The following NOL4L variants were observed in gnomAD, a reference collection of about 807,000 sequenced individuals.
The protein encoded by NOL4L is nucleolar protein 4-like.
A neutral mutation model predicts 64.5 loss-of-function variants in NOL4L; 7 were observed. The ratio of observed to expected loss-of-function variants is 0.11; its 90% CI spans 0.06 to 0.20. The LOEUF (loss-of-function observed/expected upper bound fraction) is 0.20, where lower values mean the gene tolerates loss of function less well. NOL4L is among the 10% of genes least tolerant of loss of function. The pLI, the probability that NOL4L is intolerant of heterozygous loss-of-function variation, is 1.00. For missense variants in NOL4L, 680 were observed against 967.1 expected, an observed-to-expected ratio of 0.70 and a Z score of 3.94; for synonymous variants, 413 against 401.0, an observed-to-expected ratio of 1.03 and a Z score of -0.36.
At chr20:32,481,263 G>A (rs747700653) in intron 4 of NOL4L, among the ~76,000 whole-genome samples, 2 of 152,152 alleles carry the variant, frequency 1.3e-5, no homozygotes, top group Admixed American at 6.5e-5. Context: ...CTCACCACGA[G>A]GGCCTCGCTG....
intron 4 of NOL4L, among the ~76,000 whole-genome samples, chr20:32,477,813 C>A (rs1388740835): frequency 6.6e-6 from 1 of 152,230 alleles, no homozygotes; most frequent in Non-Finnish European, 1.5e-5. Context: ...ACCCAAATGC[C>A]CCCTCCAACC....
chr20:32,523,071 C>T (rs1264709341), intron 2 of NOL4L, among the ~76,000 whole-genome samples: 3 of 152,192 alleles, frequency 2.0e-5, no homozygotes, highest in Non-Finnish European at 4.4e-5. Context: ...AGGAATGGCT[C>T]CCTCTCCAGG....
intron 3 of NOL4L, among the ~76,000 whole-genome samples, chr20:32,513,920 A>G (rs984933696): frequency 3.3e-5 from 5 of 152,226 alleles, no homozygotes; most frequent in African/African-American, 1.2e-4. Flanking sequence ...CCATAATTTA[A>G]AAAGGAAAAA....
intron 1 of NOL4L, chr20:32,532,459 C>T (rs1019061126): frequency 6.9e-6 from 5 of 723,748 alleles, no homozygotes; most frequent in African/African-American, 5.8e-5. Flanking sequence ...AGTCACGTGC[C>T]GCAGACATCT....
intron 6 of NOL4L, among the ~76,000 whole-genome samples, chr20:32,454,513 C>G (rs2013279522): frequency 6.6e-6 from 1 of 152,362 alleles, no homozygotes; most frequent in South Asian, 2.1e-4. Flanking sequence ...GGCCAAGCCC[C>G]TCAACCATCT....
intron 2 of NOL4L, among the ~76,000 whole-genome samples, chr20:32,526,347 C>G (rs767178652): frequency 3.4e-4 from 52 of 152,122 alleles, no homozygotes; most frequent in Non-Finnish European, 6.8e-4. Context: ...GCACACAGAC[C>G]GAGAAGCAGG....
chr20:32,563,301 G>A lies in NOL4L; in HGVS notation c.321+21269C>T, dbSNP rs371594151. 9.5e-5 allele frequency among the ~76,000 whole-genome samples: 13 copies of A among 136,136 alleles called. No homozygotes were observed. The East Asian group carries it at 2.7e-3, about 28-fold the overall frequency. 89.3% of individuals were successfully genotyped at this position (136,136 alleles called of 152,430 possible). A position where few individuals can be genotyped will look rare whatever the true frequency, so the allele number is the denominator to read the frequency against. On this transcript the variant is annotated intron_variant, in intron 1 of 10. Transcript: ENST00000621426. Reference sequence around the variant, plus strand: ...CTCGGGAGGGAGAGTGGGGAGGGAGGGTAGAGAACAGGGAGGGTGAAGGGG... The same window carrying A: ...CTCGGGAGGGAGAGTGGGGAGGGAGAGTAGAGAACAGGGAGGGTGAAGGGG...
chr20:32,526,042 G>A (rs762900060), intron 2 of NOL4L, among the ~76,000 whole-genome samples: 33 of 151,358 alleles, frequency 2.2e-4, no homozygotes, highest in Non-Finnish European at 4.3e-4. Flanking sequence ...ACAAGCATGA[G>A]CCACCACGCC....
At chr20:32,462,951 C>A (rs1414574020) in intron 5 of NOL4L, among the ~76,000 whole-genome samples, 1 of 141,770 alleles carries the variant, frequency 7.1e-6, no homozygotes, top group African/African-American at 2.6e-5. Flanking sequence ...TCGACAGGCG[C>A]ACAAACCCTT....
chr20:32,561,484 T>C (rs372867347), intron 1 of NOL4L, among the ~76,000 whole-genome samples: 4 of 152,246 alleles, frequency 2.6e-5, no homozygotes, highest in African/African-American at 9.6e-5. Context: ...CCAAAGGATC[T>C]GGGCAGGGCT....
intron 1 of NOL4L, among the ~76,000 whole-genome samples, chr20:32,582,983 G>A (rs902536985): frequency 2.6e-5 from 4 of 151,996 alleles, no homozygotes; most frequent in African/African-American, 9.7e-5. Flanking sequence ...GGGTTTGAGC[G>A]AGAGTGCTGA....
At chr20:32,495,737 G>A (rs1387607560) in intron 4 of NOL4L, among the ~76,000 whole-genome samples, 4 of 152,030 alleles carry the variant, frequency 2.6e-5, no homozygotes, top group Non-Finnish European at 5.9e-5. Context: ...GTGGGGGAAT[G>A]CTTAAGCCCA....
intron 1 of NOL4L, among the ~76,000 whole-genome samples, chr20:32,558,676 C>T (rs760096307): frequency 1.2e-4 from 19 of 152,222 alleles, no homozygotes; most frequent in Admixed American, 7.9e-4. Flanking sequence ...TGGCTGTGGC[C>T]CTTTCCTCTG....
intron 4 of NOL4L, among the ~76,000 whole-genome samples, chr20:32,481,969 G>GGC (rs1555794912): frequency 6.7e-6 from 1 of 149,068 alleles, no homozygotes; most frequent in African/African-American, 2.5e-5. Flanking sequence ...CGGGGCGGGG[G>GGC]GGGGGGAGCA....
intron 1 of NOL4L, among the ~76,000 whole-genome samples, chr20:32,538,462 G>GCTCCCTCCCTCCCTCCCTCC: frequency 7.9e-6 from 1 of 125,968 alleles, no homozygotes; most frequent in Admixed American, 7.5e-5. Context: ...TCCCTCCCTC[G>GCTCCCTCCCTCCCTCCCTCC]CTCCCTCCCT....
Position 32,446,964 on chromosome 20 carries a change from G to T in NOL4L, c.*632C>A. The T allele has an allele frequency of 3.4e-6, 1 of 293,918 alleles. No individual in the cohort carries two copies. The highest frequency in any genetic ancestry group is 6.6e-6 in the Non-Finnish European group (1 of 151,712). The allele number at this position is 293,918 out of a possible 1,614,324, so 18.2% of individuals were successfully genotyped here. A position where few individuals can be genotyped will look rare whatever the true frequency, so the allele number is the denominator to read the frequency against. On this transcript the variant is annotated 3_prime_UTR_variant, in exon 11 of 11. Coordinates refer to ENST00000621426, the MANE Select transcript of NOL4L (RefSeq NM_001256798.2). ...CAGCACTGGGATCTGCAACAGGATG[G>T]CCTGGCCAAGGGCTAGCGGCCACAG...
intron 1 of NOL4L, among the ~76,000 whole-genome samples, chr20:32,538,917 A>T (rs1215464926): frequency 6.6e-6 from 1 of 152,100 alleles, no homozygotes; most frequent in East Asian, 1.9e-4. Flanking sequence ...TGTGCAAACG[A>T]CATGCAAACC....
intron 4 of NOL4L, among the ~76,000 whole-genome samples, chr20:32,511,033 A>C (rs1254681047): frequency 6.6e-6 from 1 of 152,084 alleles, no homozygotes; most frequent in Non-Finnish European, 1.5e-5. Flanking sequence ...AGAGCAGAGA[A>C]AGAACAACTC....
chr20:32,556,910 T>C (rs1476933858), intron 1 of NOL4L, among the ~76,000 whole-genome samples: 1 of 152,202 alleles, frequency 6.6e-6, no homozygotes, highest in Non-Finnish European at 1.5e-5. Flanking sequence ...GACGTGACTA[T>C]GCAGGAGGCA....
Sources: gnomAD v4.1 joint callset for allele counts (sites outside exome capture counted in the v4.1 genomes callset) on GRCh38, gnomAD v4.1.1 for gene constraint, MANE v1.5 for transcripts, NCBI Gene and HGNC (gene_info 2026-07-23, HGNC 2026-07-21) for gene names.